Variants in PBRM1 observed in about 807,000 individuals in gnomAD.
The protein encoded by PBRM1 is polybromo 1.
In PBRM1, 27 loss-of-function variants were observed where a neutral mutation model predicts 194.5. That is an observed-to-expected ratio of 0.14 (90% CI 0.10 to 0.19). The LOEUF (loss-of-function observed/expected upper bound fraction) is 0.19, where lower values mean the gene tolerates loss of function less well. PBRM1 is among the 10% of genes least tolerant of loss of function. The pLI, the probability that PBRM1 is intolerant of heterozygous loss-of-function variation, is 1.00. For missense variants in PBRM1, 1,466 were observed against 2,077.2 expected (o/e 0.71, Z 5.72); for synonymous variants, 655 against 693.2 (o/e 0.94, Z 0.87).
exon 19 of PBRM1, chr3:52,587,506 T>C (rs1183043553): frequency 3.1e-6 from 5 of 1,600,364 alleles, no homozygotes; most frequent in African/African-American, 1.4e-5. Flanking sequence ...ACAACCATTT[T>C]TCACCTCAAA....
chr3:52,613,656 A>G (rs2094780122), intron 15 of PBRM1, among the ~76,000 whole-genome samples: 1 of 151,970 alleles, frequency 6.6e-6, no homozygotes, highest in Admixed American at 6.6e-5. Context: ...TGTACTTTCC[A>G]TTTATATATT....
intron 6 of PBRM1, 56 bp from the exon 8 acceptor site, chr3:52,648,498 C>A (rs2096392695): frequency 3.3e-6 from 3 of 921,500 alleles, no homozygotes; most frequent in Non-Finnish European, 5.1e-6. Flanking sequence ...ATCAGTACAA[C>A]CTTTAAAAAA....
exon 27 of PBRM1, chr3:52,554,831 A>G (rs780018691): frequency 2.5e-6 from 4 of 1,600,806 alleles, no homozygotes; most frequent in Non-Finnish European, 3.4e-6. Flanking sequence ...AAGGCCATCA[A>G]CTGGGCCCTG....
chr3:52,582,568 CCAACCTCCT>C (rs897237490), intron 20 of PBRM1, among the ~76,000 whole-genome samples: 2 of 151,814 alleles, frequency 1.3e-5, no homozygotes, highest in African/African-American at 4.8e-5. Flanking sequence ...TGCCACCACG[CCAACCTCCT>C]CAGCCTCCCA....
At chr3:52,630,597 G>A (rs1363896871) in intron 11 of PBRM1, among the ~76,000 whole-genome samples, 1 of 152,130 alleles carries the variant, frequency 6.6e-6, no homozygotes, top group Admixed American at 6.5e-5. Flanking sequence ...CACAATGGAA[G>A]GGATCGTAGG....
At chr3:52,586,784 CCAAA>C in intron 19 of PBRM1, 96 bp from the exon 22 acceptor site, 1 of 879,334 alleles carries the variant, frequency 1.1e-6, no homozygotes, top group Non-Finnish European at 1.7e-6. Context: ...AACCAACCAA[CCAAA>C]CAAAAGCTGA....
At chr3:52,638,997 G>C (rs1335703622) in intron 10 of PBRM1, among the ~76,000 whole-genome samples, 1 of 112,392 alleles carries the variant, frequency 8.9e-6, no homozygotes, top group Non-Finnish European at 1.8e-5. Context: ...GGGGGGGGGG[G>C]GCGGGGGACA....
At chr3:52,551,592 T>C (rs895996578) in intron 27 of PBRM1, among the ~76,000 whole-genome samples, 4 of 152,204 alleles carry the variant, frequency 2.6e-5, no homozygotes, top group African/African-American at 9.7e-5. Flanking sequence ...TAATGAGATG[T>C]CCTAAATTTA....
chr3:52,570,999 AGGC>A (rs1381387682), intron 22 of PBRM1, among the ~76,000 whole-genome samples: 11 of 151,706 alleles, frequency 7.3e-5, no homozygotes. Context: ...TTGGGACTAC[AGGC>A]ATGAGCTACC....
In PBRM1 at chr3:52,643,237, C is replaced by A; in HGVS notation, c.995+11G>T. 1 of 1,587,918 alleles carries A rather than the reference C, an allele frequency of 6.3e-7. No individual in the cohort carries two copies. Among genetic ancestry groups the A allele is most frequent in the Non-Finnish European group, 8.6e-7 (1 of 1,156,144 alleles). On this transcript the variant is annotated intron_variant, in intron 9 of 29. Transcript: ENST00000296302. ...CAGGTCAACTCTCAGACTAAACACT[C>A]TTTTTCTCACCGGTAATACTTGCTA...
exon 20 of PBRM1, chr3:52,586,458 G>A (rs1421890909): frequency 1.2e-6 from 2 of 1,613,764 alleles, no homozygotes; most frequent in South Asian, 1.1e-5. Context: ...CAGCTCGACT[G>A]TCCTCTGAGT....
At chr3:52,580,071 T>C (rs2090699982) in intron 20 of PBRM1, among the ~76,000 whole-genome samples, 1 of 152,096 alleles carries the variant, frequency 6.6e-6, no homozygotes, top group Admixed American at 6.5e-5. Context: ...TGAGATCTCA[T>C]TTCCAAAAAA....
intron 13 of PBRM1, among the ~76,000 whole-genome samples, chr3:52,626,744 C>G (rs545336123): frequency 6.6e-6 from 1 of 152,084 alleles, no homozygotes; most frequent in South Asian, 2.1e-4. Context: ...GGAAAAAAAA[C>G]CCCAAAAATC....
chr3:52,678,267 C>CA (rs2097146698), intron 2 of PBRM1, among the ~76,000 whole-genome samples: 2 of 152,110 alleles, frequency 1.3e-5, no homozygotes, highest in South Asian at 2.1e-4. Context: ...GTGCCTGGCT[C>CA]AAAAAATCAA....
intron 17 of PBRM1, among the ~76,000 whole-genome samples, chr3:52,594,230 T>C (rs555269843): frequency 3.9e-5 from 6 of 152,336 alleles, no homozygotes; most frequent in Admixed American, 3.9e-4. Flanking sequence ...TGAAGGTCTC[T>C]AAGAACTTGC....
intron 15 of PBRM1, among the ~76,000 whole-genome samples, chr3:52,611,665 C>T (rs772842098): frequency 3.3e-5 from 5 of 151,800 alleles, no homozygotes; most frequent in East Asian, 1.9e-4. Context: ...ATGAGCTGGA[C>T]GTGGTGGCGT....
intron 22 of PBRM1, among the ~76,000 whole-genome samples, chr3:52,574,395 T>TTG (rs1245733086): frequency 6.6e-6 from 1 of 152,170 alleles, no homozygotes; most frequent in Non-Finnish European, 1.5e-5. Context: ...GGATTACACT[T>TTG]TAAGTCATGA....
chr3:52,673,781 T>G (rs1190076842), intron 2 of PBRM1, among the ~76,000 whole-genome samples: 1 of 151,042 alleles, frequency 6.6e-6, no homozygotes, highest in Non-Finnish European at 1.5e-5. Flanking sequence ...GCCAGTGCAG[T>G]AGTTCATGCC....
At chr3:52,633,867 T>G (rs1253610570) in intron 11 of PBRM1, among the ~76,000 whole-genome samples, 1 of 152,168 alleles carries the variant, frequency 6.6e-6, no homozygotes, top group East Asian at 1.9e-4. Context: ...TTTTTTGTGG[T>G]TGAGACGTCC....
Sources: allele counts gnomAD v4.1 joint callset (sites outside exome capture counted in the v4.1 genomes callset), GRCh38; gene constraint gnomAD v4.1.1; transcripts MANE v1.5; gene names NCBI Gene and HGNC (gene_info 2026-07-23, HGNC 2026-07-21).